ATP2B2: variants seen among roughly 807,000 people sequenced by gnomAD.
ATP2B2 encodes the protein plasma membrane calcium-transporting ATPase 2.
In ATP2B2, 15 loss-of-function variants were observed where a neutral mutation model predicts 120.0. The ratio of observed to expected loss-of-function variants is 0.12; its 90% confidence interval spans 0.08 to 0.19. The LOEUF (loss-of-function observed/expected upper bound fraction) is 0.19. ATP2B2 is among the 10% of genes least tolerant of loss of function. The pLI, the probability that ATP2B2 is intolerant of heterozygous loss-of-function variation, is 1.00. For missense variants in ATP2B2, 1,045 were observed against 1,719.8 expected, an observed-to-expected ratio of 0.61 and a Z score of 6.94; for synonymous variants, 694 against 700.3, an observed-to-expected ratio of 0.99 and a Z score of 0.14.
intron 2 of ATP2B2, among the ~76,000 whole-genome samples, chr3:10,421,621 C>T (rs1282580736): frequency 1.3e-5 from 2 of 152,216 alleles, no homozygotes; most frequent in East Asian, 3.9e-4. Context: ...CACAGCATCC[C>T]TGCCCTGATC....
intron 1 of ATP2B2, among the ~76,000 whole-genome samples, chr3:10,627,449 C>A (rs2069735542): frequency 6.6e-6 from 1 of 152,146 alleles, no homozygotes; most frequent in Non-Finnish European, 1.5e-5. Flanking sequence ...GAGGACAGGG[C>A]AGGGGCAGGA....
chr3:10,573,823 T>C (rs552147458), intron 2 of ATP2B2, among the ~76,000 whole-genome samples: 5 of 152,242 alleles, frequency 3.3e-5, no homozygotes, highest in African/African-American at 1.2e-4. Flanking sequence ...ACTAAACTCA[T>C]CTAAAAAGAA....
At chr3:10,568,766 T>C (rs1260518088) in intron 2 of ATP2B2, among the ~76,000 whole-genome samples, 1 of 152,192 alleles carries the variant, frequency 6.6e-6, no homozygotes, top group Non-Finnish European at 1.5e-5. Flanking sequence ...GCTCCAGACC[T>C]ATAGCCGTGT....
At chr3:10,623,856 C>A (rs972953101) in intron 1 of ATP2B2, among the ~76,000 whole-genome samples, 1 of 152,188 alleles carries the variant, frequency 6.6e-6, no homozygotes, top group Non-Finnish European at 1.5e-5. Context: ...AAACAACATG[C>A]CCTAAACAGC....
At chr3:10,468,475 G>A (rs190548410) in intron 1 of ATP2B2, among the ~76,000 whole-genome samples, 14 of 152,358 alleles carry the variant, frequency 9.2e-5, no homozygotes, top group Admixed American at 5.2e-4. Flanking sequence ...ATTTGCTGAC[G>A]CATGGCAGGC....
chr3:10,329,089 C>T lies in ATP2B2; in HGVS notation c.3457G>A (p.Glu1153Lys). Residue 1153 changes from glutamate to lysine, a missense_variant, in exon 23 of 23, where the codon GAA (glutamate) becomes AAA (lysine). Physicochemically the swap from Glu to Lys is moderately conservative, Grantham distance 56. This residue lies in a region of ATP2B2 where 211 missense variants were observed against 385.1 expected (regional missense o/e 0.55). Coordinates refer to ENST00000360273, the MANE Select transcript of ATP2B2 (RefSeq NM_001001331.4). This position sits in a 1 kb window ranked among gnomAD's most constrained non-coding sequence, Gnocchi z 5.9. ...CGAGATTCAGGCTTTTCTAAACCTTCATAGAGAGAGCTACGGAACGCCTTC... is the reference window on the plus strand; with the variant it reads ...CGAGATTCAGGCTTTTCTAAACCTTTATAGAGAGAGCTACGGAACGCCTTC... ...VVKAFRSSLY[E>K]GLEKPESRTS... 1 of 1,612,624 alleles carries T rather than the reference C, an allele frequency of 6.2e-7. No individual in the cohort carries two copies. The highest frequency in any genetic ancestry group is 8.5e-7 in the Non-Finnish European group (1 of 1,179,530).
intron 2 of ATP2B2, among the ~76,000 whole-genome samples, chr3:10,433,523 G>A (rs1323426096): frequency 6.6e-6 from 1 of 152,162 alleles, no homozygotes. Context: ...CTCGCTGTGT[G>A]ACCCTGGACA....
intron 1 of ATP2B2, among the ~76,000 whole-genome samples, chr3:10,647,090 G>A (rs1419139689): frequency 6.6e-6 from 1 of 152,190 alleles, no homozygotes; most frequent in Admixed American, 6.5e-5. Context: ...GGGGTAGGGG[G>A]AATGGGGGCA....
At chr3:10,503,913 G>A (rs575360866) in intron 1 of ATP2B2, among the ~76,000 whole-genome samples, 2 of 152,210 alleles carry the variant, frequency 1.3e-5, no homozygotes, top group Admixed American at 1.3e-4. Context: ...TACTGCATTC[G>A]TGTGTGTGCT....
At chr3:10,513,031 A>C (rs546425001) in intron 3 of ATP2B2, among the ~76,000 whole-genome samples, 16 of 152,334 alleles carry the variant, frequency 1.1e-4, no homozygotes, top group Admixed American at 8.5e-4. Flanking sequence ...GTTCTGTGCT[A>C]GGTGCTGAGA....
At chr3:10,471,576 G>C (rs2065005743) in intron 1 of ATP2B2, among the ~76,000 whole-genome samples, 1 of 151,928 alleles carries the variant, frequency 6.6e-6, no homozygotes, top group Non-Finnish European at 1.5e-5. Flanking sequence ...AGGAGAGGGA[G>C]GGAGGAAAGG....
intron 2 of ATP2B2, among the ~76,000 whole-genome samples, chr3:10,424,925 G>A (rs1490147549): frequency 6.6e-6 from 1 of 152,146 alleles, no homozygotes; most frequent in East Asian, 1.9e-4. Flanking sequence ...TCATGAAGGT[G>A]GTATCTCTGG....
chr3:10,410,586 G>C (rs7627180), intron 3 of ATP2B2, 32 bp downstream of exon 3: 2 of 1,573,590 alleles, frequency 1.3e-6, no homozygotes. Flanking sequence ...CCAGGTGTGC[G>C]GGGCGGTTCG....
chr3:10,504,741 A>C (rs2125418116), intron 1 of ATP2B2, among the ~76,000 whole-genome samples: 1 of 152,266 alleles, frequency 6.6e-6, no homozygotes, highest in East Asian at 1.9e-4. Flanking sequence ...CAGGTGCCCT[A>C]TCCCTCAGCT....
intron 1 of ATP2B2, among the ~76,000 whole-genome samples, chr3:10,703,153 A>G (rs1269091285): frequency 6.6e-6 from 1 of 152,164 alleles, no homozygotes; most frequent in East Asian, 1.9e-4. Flanking sequence ...GGCTCACTCC[A>G]GCCTTTGCCC....
At position 10,683,760 on chromosome 3, in the gene ATP2B2, G is replaced by GTATA. The variant is rs71055831; in HGVS notation, c.-460+24151_-460+24154dup. Among the ~76,000 whole-genome samples, 201 of 53,796 alleles carry GTATA rather than the reference G, an allele frequency of 3.7e-3. 2 individuals are homozygous for GTATA. The highest frequency in any genetic ancestry group is 9.6e-3 in the Middle Eastern group (1 of 104). 35.3% of individuals were successfully genotyped at this position (53,796 alleles called of 152,430 possible). Reference sequence around the variant, plus strand: ...TATGTGTATATATATGTGTGTGTGTGTATATATATATATATATATATATAT... The same window carrying GTATA: ...TATGTGTATATATATGTGTGTGTGTGTATATATATATATATATATATATATATAT... On this transcript the variant is annotated intron_variant, in intron 1 of 21. Transcript: ENST00000646379.
At chr3:10,610,585 T>G (rs908820175) in intron 2 of ATP2B2, among the ~76,000 whole-genome samples, 1 of 152,214 alleles carries the variant, frequency 6.6e-6, no homozygotes, top group South Asian at 2.1e-4. Flanking sequence ...GATGGAATGA[T>G]AGGTTCCAAA....
In ATP2B2 at chr3:10,346,202, T is replaced by G. The variant is rs2060427700; in HGVS notation, c.2405-65A>C. 2 of 1,532,496 alleles carry G rather than the reference T, an allele frequency of 1.3e-6. No homozygotes were observed. The highest frequency in any genetic ancestry group is 2.2e-5 in the South Asian group (2 of 88,988). 94.9% of individuals were successfully genotyped at this position (1,532,496 alleles called of 1,614,324 possible). ...GGTGGGAGGCAGCCTGGGCCAGCCC[T>G]GGTCCTCGGGAGGGGCCTGGCTGGG... is the stretch of plus-strand genomic sequence containing the variant. On this transcript the variant is annotated intron_variant, in intron 16 of 22. Coordinates refer to ENST00000360273, the MANE Select transcript of ATP2B2 (RefSeq NM_001001331.4). This position sits in a 1 kb window ranked among gnomAD's most constrained non-coding sequence, Gnocchi z 4.1.
chr3:10,514,173 T>G (rs1319281802), intron 3 of ATP2B2, among the ~76,000 whole-genome samples: 1 of 152,156 alleles, frequency 6.6e-6, no homozygotes, highest in Non-Finnish European at 1.5e-5. Flanking sequence ...AGTTGGGATT[T>G]GGACTCAGGC....
Sources: gnomAD v4.1 joint callset for allele counts (sites outside exome capture counted in the v4.1 genomes callset) on GRCh38, gnomAD v4.1.1 for gene constraint, gnomAD v4.1.1 regional missense constraint, Gnocchi (gnomAD v3.1) non-coding constraint, MANE v1.5 for transcripts, NCBI Gene and HGNC (gene_info 2026-07-23, HGNC 2026-07-21) for gene names.